The following NLGN4X variants were observed in gnomAD, a reference collection of about 807,000 sequenced individuals.
NLGN4X encodes neuroligin 4 X-linked.
A neutral mutation model predicts 40.3 loss-of-function variants in NLGN4X; 3 were observed. That is an observed-to-expected ratio of 0.07 (90% CI 0.03 to 0.19). NLGN4X has a LOEUF of 0.19. NLGN4X is among the 10% of genes least tolerant of loss of function. The pLI is 1.00. For synonymous variants in NLGN4X, 270 were observed against 306.8 expected, an observed-to-expected ratio of 0.88 and a Z score of 1.25; for missense variants, 382 against 708.3, an observed-to-expected ratio of 0.54 and a Z score of 5.23.
chrX:6,132,968 A>C (rs1202937668), intron 2 of NLGN4X, among the ~76,000 whole-genome samples: 1 of 111,909 alleles, frequency 8.9e-6, no homozygotes, highest in East Asian at 2.8e-4. Flanking sequence ...AGTTTGAAAC[A>C]TCTCTAAGGT....
At chrX:6,130,955 T>C (rs937813065) in intron 2 of NLGN4X, among the ~76,000 whole-genome samples, 8 of 112,053 alleles carry the variant, frequency 7.1e-5, no homozygotes, top group African/African-American at 2.6e-4. Flanking sequence ...ACTATAATTA[T>C]GGCGTAGTGT....
chrX:6,114,559 CAA>C (rs1491079828), intron 2 of NLGN4X, among the ~76,000 whole-genome samples: 7 of 106,876 alleles, frequency 6.5e-5, no homozygotes, highest in African/African-American at 2.1e-4. Context: ...CACACACACA[CAA>C]ACATGCACAC....
At chrX:5,916,810 G>A (rs750252843) in intron 3 of NLGN4X, among the ~76,000 whole-genome samples, 91 of 112,172 alleles carry the variant, frequency 8.1e-4, no homozygotes, top group South Asian at 1.5e-3. Flanking sequence ...TGATTATTTC[G>A]AAGCATGTGA....
chrX:5,903,132 C>T lies in NLGN4X; in HGVS notation c.1546G>A (p.Asp516Asn). The T allele has an allele frequency of 8.3e-7, 1 of 1,211,866 alleles. No homozygotes were observed. Among genetic ancestry groups the T allele is most frequent in the South Asian group, 1.8e-5 (1 of 56,951 alleles). Residue 516 changes from aspartate (D) to asparagine (N), a missense_variant, in exon 5 of 6, where the codon GAC becomes AAC. Asp to Asn is a conservative substitution (Grantham distance 23). Coordinates refer to ENST00000381095, the MANE Select transcript of NLGN4X (RefSeq NM_181332.3). ...ATGACCACGGCGCTGAGCATGACGT[C>T]GTTCTTGGAAAAGTTACAACTGAAG... ...ELFSCNFSKN[D>N]VMLSAVVMTY...
intron 1 of NLGN4X, among the ~76,000 whole-genome samples, chrX:6,213,538 G>A (rs762997150): frequency 8.9e-6 from 1 of 112,269 alleles, no homozygotes; most frequent in South Asian, 3.7e-4. Context: ...CGTAAGATGC[G>A]ATATGCGTGT....
At chrX:6,171,052 G>A (rs1001770859) in intron 1 of NLGN4X, among the ~76,000 whole-genome samples, 1 of 111,995 alleles carries the variant, frequency 8.9e-6, no homozygotes, top group Non-Finnish European at 1.9e-5. Flanking sequence ...TCGAACTGTT[G>A]GACTCAAGAG....
intron 2 of NLGN4X, among the ~76,000 whole-genome samples, chrX:6,048,592 C>T (rs188533665): frequency 1.8e-5 from 2 of 111,864 alleles, no homozygotes; most frequent in African/African-American, 6.5e-5. Context: ...ATGGAATCAA[C>T]CCAAATGCCC....
intron 3 of NLGN4X, among the ~76,000 whole-genome samples, chrX:5,972,592 T>C (rs998575169): frequency 8.9e-6 from 1 of 111,784 alleles, no homozygotes; most frequent in Admixed American, 9.5e-5. Context: ...CAAATGATTA[T>C]AATTAATACA....
chrX:6,227,154 C>G lies in NLGN4X; in HGVS notation c.-306+1387G>C, dbSNP rs182898970. ...GGAAGCGGGGAGGCGGGGGAAGAGA[C>G]GAGATGAAATCGGCCCGGGACAGCA... On this transcript the variant is annotated intron_variant, in intron 1 of 5. Transcript: ENST00000381095. The G allele has an allele frequency of 8.1e-3, 909 of 111,878 alleles. 9 individuals carry two copies. Among genetic ancestry groups the G allele is most frequent in the African/African-American group, 0.025 (770 of 30,586 alleles). The allele number at this position is 111,878 out of a possible 1,213,427, so 9.2% of individuals were successfully genotyped here.
intron 3 of NLGN4X, among the ~76,000 whole-genome samples, chrX:5,989,117 A>C (rs1310830044): frequency 1.5e-4 from 17 of 111,085 alleles, no homozygotes; most frequent in Non-Finnish European, 3.0e-4. Flanking sequence ...AAAAAGAGTT[A>C]GTTGAAACAA....
chrX:5,972,134 GGCACAC>G (rs1416425601), intron 3 of NLGN4X, among the ~76,000 whole-genome samples: 1 of 104,133 alleles, frequency 9.6e-6, no homozygotes, highest in Admixed American at 9.9e-5. Flanking sequence ...TGCACACACA[GGCACAC>G]ACACATATGT....
intron 3 of NLGN4X, among the ~76,000 whole-genome samples, chrX:5,995,063 G>C (rs192439583): frequency 3.6e-5 from 4 of 112,480 alleles, no homozygotes; most frequent in African/African-American, 1.3e-4. Context: ...TACAATCTTT[G>C]TAACAGCTCC....
chrX:6,088,014 C>G (rs1205982826), intron 2 of NLGN4X, among the ~76,000 whole-genome samples: 2 of 111,779 alleles, frequency 1.8e-5, no homozygotes, highest in Admixed American at 1.9e-4. Context: ...CATCTACACA[C>G]GATTTTCTAC....
intron 2 of NLGN4X, among the ~76,000 whole-genome samples, chrX:6,070,932 C>T (rs1326855519): frequency 9.0e-6 from 1 of 111,379 alleles, no homozygotes; most frequent in African/African-American, 3.3e-5. Flanking sequence ...AATCATCTCC[C>T]GCCAGATTCC....
At chrX:6,038,179 G>A (rs746779572) in intron 2 of NLGN4X, among the ~76,000 whole-genome samples, 7 of 111,790 alleles carry the variant, frequency 6.3e-5, no homozygotes, top group Non-Finnish European at 1.1e-4. Flanking sequence ...TGGGGATAGA[G>A]GGGTGGCTGG....
intron 2 of NLGN4X, among the ~76,000 whole-genome samples, chrX:6,095,089 AAGT>A (rs2038730789): frequency 2.0e-5 from 1 of 50,150 alleles, no homozygotes. Flanking sequence ...CTAAGGCTTT[AAGT>A]ACGTGCGTGC....
chrX:5,892,730 C>T lies in NLGN4X; in HGVS notation c.*87G>A. ...CATTCCTGGTCTGGAGACTTTCTTT[C>T]TCTCTCTCTTTCCTTCTCTCTTTCC... On this transcript the variant is annotated 3_prime_UTR_variant, in exon 6 of 6. Coordinates refer to ENST00000381095, the MANE Select transcript of NLGN4X (RefSeq NM_181332.3). 8.8e-7 allele frequency: 1 copy of T among 1,139,878 alleles called. No individual in the cohort carries two copies. The highest frequency in any genetic ancestry group is 1.2e-6 in the Non-Finnish European group (1 of 842,424). The allele number at this position is 1,139,878 out of a possible 1,213,427, so 93.9% of individuals were successfully genotyped here. A position where few individuals can be genotyped will look rare whatever the true frequency, so the allele number is the denominator to read the frequency against.
intron 1 of NLGN4X, chrX:6,227,873 C>G (rs1051500935): frequency 2.8e-5 from 3 of 107,650 alleles, no homozygotes; most frequent in Non-Finnish European, 5.8e-5. Flanking sequence ...CCGGTTTTCC[C>G]TTTTTCTTTC....
intron 1 of NLGN4X, among the ~76,000 whole-genome samples, chrX:6,153,617 G>A (rs1031146538): frequency 8.9e-6 from 1 of 112,336 alleles, no homozygotes; most frequent in Non-Finnish European, 1.9e-5. Flanking sequence ...AAATGAGATA[G>A]TATGTATCCT....
Sources: allele counts gnomAD v4.1 joint callset (sites outside exome capture counted in the v4.1 genomes callset), GRCh38; gene constraint gnomAD v4.1.1; transcripts MANE v1.5; gene names NCBI Gene and HGNC (gene_info 2026-07-23, HGNC 2026-07-21).